The following YY1AP1 variants were observed in gnomAD, a reference collection of about 807,000 sequenced individuals.
YY1AP1 encodes YY1 associated protein 1.
A neutral mutation model predicts 39.9 loss-of-function variants in YY1AP1; 43 were observed. The observed-to-expected ratio is 1.08, with a 90% CI of 0.84 to 1.39. YY1AP1 has a LOEUF of 1.39. YY1AP1 is among the 40% of genes most tolerant of loss of function. The pLI is 0.00. For missense variants in YY1AP1, 813 were observed against 900.7 expected (o/e 0.90, Z 1.25); for synonymous variants, 292 against 331.3 (o/e 0.88, Z 1.29).
Position 155,668,621 on chromosome 1 carries a change from A to G in YY1AP1, c.879+6T>C. 2 of 1,614,054 alleles carry G rather than the reference A, an allele frequency of 1.2e-6. No individual in the cohort carries two copies. The highest frequency in any genetic ancestry group is 1.7e-6 in the Non-Finnish European group (2 of 1,179,998). ...TGCCTGGATAGTGCATGCAGGAAAC[A>G]CTCACTTTAATGATGTTGTCAGGAG... On this transcript the variant is annotated splice_donor_region_variant and intron_variant, in intron 9 of 10. Coordinates refer to ENST00000355499, the MANE Select transcript of YY1AP1 (RefSeq NM_139119.3).
Position 155,661,353 on chromosome 1 carries a change from T to G in YY1AP1, c.950A>C (p.Lys317Thr), listed in dbSNP as rs201414614. Residue 317 changes from lysine to threonine, a missense_variant, in exon 10 of 11, where the codon AAG becomes ACG. Lys to Thr is a moderately conservative substitution (Grantham distance 78, BLOSUM62 -1). Transcript: ENST00000355499. The stretch of plus-strand genomic sequence containing the variant: ...GTGTTCTTCTCTCTCTATAGGTGGC[T>G]TCCACTGATGTGGCTGGATCTCTTC... ...CCEEIQPHQW[K>T]PPIEREEHRL... 1 of 1,613,764 alleles carries G rather than the reference T, an allele frequency of 6.2e-7. No individual in the cohort carries two copies. The highest frequency in any genetic ancestry group is 8.5e-7 in the Non-Finnish European group (1 of 1,179,810).
At chr1:155,675,497 T>C (rs1337848042) in intron 5 of YY1AP1, among the ~76,000 whole-genome samples, 1 of 152,082 alleles carries the variant, frequency 6.6e-6, no homozygotes. Flanking sequence ...CCAGCTAATT[T>C]TTTGTTTTCG....
At chr1:155,688,355 A>G (rs1652960263) in intron 1 of YY1AP1, 154 bp from the exon 2 acceptor site, 9 of 1,547,878 alleles carry the variant, frequency 5.8e-6, no homozygotes, top group Non-Finnish European at 7.9e-6. Context: ...TGGCCGCGGC[A>G]GCTCCTCCAG....
chr1:155,684,312 T>G (rs1376180016), intron 2 of YY1AP1, among the ~76,000 whole-genome samples: 1 of 151,946 alleles, frequency 6.6e-6, no homozygotes, highest in African/African-American at 2.4e-5. Flanking sequence ...AATAAAGAAA[T>G]TGTATACACA....
At position 155,659,694 on chromosome 1, in the gene YY1AP1, G is replaced by A; in HGVS notation, c.2216C>T (p.Pro739Leu). The A allele has an allele frequency of 5.0e-6, 8 of 1,614,182 alleles. No individual in the cohort carries two copies. Among genetic ancestry groups the A allele is most frequent in the South Asian group, 1.1e-5 (1 of 91,084 alleles). ...ACTGATTTCCTCTGTAGCATCTTCA[G>A]GTTCCATCTTGACAACTTCCTCTAA... The part of the protein sequence containing the change: ...GDLEEVVKME[P>L]EDATEEISGF... The change falls in exon 11 of 11, where the codon CCT becomes CTT. Residue 739 changes from proline to leucine, a missense_variant. Pro to Leu is a moderately conservative substitution (Grantham distance 98). This residue lies in a region of YY1AP1 where 586 missense variants were observed against 647.4 expected (regional missense o/e 0.91). Transcript: ENST00000355499.
intron 4 of YY1AP1, among the ~76,000 whole-genome samples, chr1:155,677,569 T>C (rs1650889691): frequency 6.6e-6 from 1 of 152,214 alleles, no homozygotes. Context: ...GTTATCATAT[T>C]TCAAGGAACC....
At chr1:155,677,308 C>CTTTT (rs1180175608) in intron 4 of YY1AP1, among the ~76,000 whole-genome samples, 1 of 152,192 alleles carries the variant, frequency 6.6e-6, no homozygotes, top group Non-Finnish European at 1.5e-5. Context: ...AGGCTATCTT[C>CTTTT]TTTTAGCCCT....
intron 3 of YY1AP1, chr1:155,680,086 A>G (rs1012866264): frequency 2.0e-5 from 5 of 249,268 alleles, no homozygotes; most frequent in Non-Finnish European, 3.9e-5. Flanking sequence ...CTTAGATGAG[A>G]GAATTGTTTT....
intron 4 of YY1AP1, among the ~76,000 whole-genome samples, chr1:155,677,642 C>T (rs2666828): frequency 0.078 from 11,925 of 152,080 alleles, 1,656 homozygotes; most frequent in African/African-American, 0.27. Context: ...ATAAAGATTA[C>T]GTTTGAATAA....
chr1:155,667,984 G>T (rs28680892), intron 9 of YY1AP1, among the ~76,000 whole-genome samples: 1 of 149,832 alleles, frequency 6.7e-6, no homozygotes, highest in African/African-American at 2.5e-5. Flanking sequence ...ACACATACAT[G>T]CATACATACA....
intron 2 of YY1AP1, 164 bp downstream of exon 2, chr1:155,687,907 C>A (rs1444063898): frequency 2.6e-6 from 2 of 771,798 alleles, no homozygotes; most frequent in Non-Finnish European, 3.9e-6. Context: ...GAGGGACTTC[C>A]CGGTAGGCTC....
intron 8 of YY1AP1, 96 bp from the exon 9 acceptor site, chr1:155,668,873 C>G: frequency 6.3e-7 from 1 of 1,577,796 alleles, no homozygotes; most frequent in Non-Finnish European, 8.7e-7. Flanking sequence ...CTTTTTCTTA[C>G]TTGTTCTTAA....
At chr1:155,684,243 T>A (rs1651905701) in intron 2 of YY1AP1, among the ~76,000 whole-genome samples, 1 of 151,854 alleles carries the variant, frequency 6.6e-6, no homozygotes, top group Admixed American at 6.6e-5. Context: ...AGCGAAACTC[T>A]CTCTCAAAAA....
intron 9 of YY1AP1, among the ~76,000 whole-genome samples, chr1:155,667,027 A>G (rs1453615638): frequency 1.3e-5 from 2 of 151,990 alleles, no homozygotes; most frequent in Non-Finnish European, 2.9e-5. Flanking sequence ...TAAATAAATA[A>G]ATAAATTTAA....
rs749823577 is a variant in YY1AP1, at chr1:155,676,758, G to A, written c.126-12C>T. ...GTAGTTCCTCAAACCTATCCCAAAC[G>A]GGGATGACTGAATTTGAGTGTTTTC... is the stretch of plus-strand genomic sequence containing the variant. On this transcript the variant is annotated splice_polypyrimidine_tract_variant and intron_variant, in intron 4 of 10. Transcript: ENST00000355499. The A allele has an allele frequency of 9.3e-6, 15 of 1,613,204 alleles. No homozygotes were observed. Among genetic ancestry groups the A allele is most frequent in the Non-Finnish European group, 1.2e-5 (14 of 1,179,494 alleles).
At chr1:155,684,326 A>G (rs1462647967) in intron 2 of YY1AP1, among the ~76,000 whole-genome samples, 1 of 152,206 alleles carries the variant, frequency 6.6e-6, no homozygotes, top group Non-Finnish European at 1.5e-5. Context: ...ATACACATAC[A>G]TGCACATATA....
chr1:155,688,662 C>CA lies in YY1AP1; in HGVS notation c.-156dup. On this transcript the variant is annotated 5_prime_UTR_variant, in exon 1 of 11. Transcript: ENST00000355499. ...CAGCGCAGGCCCTCACGCGTACCTT[C>CA]AGCGGCGCGAGCCCAAGCCTTCTCC... 3 of 1,533,482 alleles carry CA rather than the reference C, an allele frequency of 2.0e-6. No homozygotes were observed. In the South Asian group the frequency reaches 3.6e-5, roughly 18 times the overall value. 95.0% of individuals were successfully genotyped at this position (1,533,482 alleles called of 1,614,324 possible). A position where few individuals can be genotyped will look rare whatever the true frequency, so the allele number is the denominator to read the frequency against.
chr1:155,661,012 C>T (rs1279944411), intron 10 of YY1AP1, 99 bp from the exon 11 acceptor site: 2 of 1,586,056 alleles, frequency 1.3e-6, no homozygotes, highest in African/African-American at 1.3e-5. Context: ...CTCAAGGCAT[C>T]TTTCCAAGGG....
intron 8 of YY1AP1, among the ~76,000 whole-genome samples, chr1:155,669,343 A>G (rs1045421547): frequency 2.0e-5 from 3 of 152,146 alleles, no homozygotes; most frequent in Admixed American, 2.0e-4. Context: ...TGGCCAATCT[A>G]CTTTTTCTAC....
Sources: allele counts gnomAD v4.1 joint callset (sites outside exome capture counted in the v4.1 genomes callset), GRCh38; gene constraint gnomAD v4.1.1; regional missense constraint gnomAD v4.1.1; transcripts MANE v1.5; gene names NCBI Gene and HGNC (gene_info 2026-07-23, HGNC 2026-07-21).